Variants in CASP9 observed in about 807,000 individuals in gnomAD.
CASP9 encodes caspase-9.
Under a neutral mutation model 43.5 loss-of-function variants are expected in CASP9, and 29 were observed. That is an observed-to-expected ratio of 0.67 (90% CI 0.50 to 0.91). The LOEUF (loss-of-function observed/expected upper bound fraction) is 0.91, where lower values mean the gene tolerates loss of function less well. Ranked by LOEUF, CASP9 falls within the 40% of genes least tolerant of loss-of-function variation. The pLI, the probability that CASP9 is intolerant of heterozygous loss-of-function variation, is 0.00. For missense variants in CASP9, 575 were observed against 537.4 expected (o/e 1.07, Z -0.69); for synonymous variants, 206 against 211.9 (o/e 0.97, Z 0.24).
At chr1:15,524,640 G>T, upstream of CASP9, 6 of 955,002 alleles carry the variant, frequency 6.3e-6, no homozygotes, top group South Asian at 1.6e-4. Context: ...CATCTCCAAC[G>T]CCTCGCCCCG....
chr1:15,504,658 C>T lies in CASP9; in HGVS notation c.821G>A (p.Ser274Asn), dbSNP rs747011255. The T allele has an allele frequency of 2.5e-6, 4 of 1,614,224 alleles. No homozygotes were observed. Among genetic ancestry groups the T allele is most frequent in the Non-Finnish European group, 3.4e-6 (4 of 1,180,024 alleles). ...AAAGAGCTTGGGCTTCCCTCCCAGG[C>T]TGGGGCAGCTGGTCCCATTGAAGAT... ...VNIFNGTSCP[S>N]LGGKPKLFFI... is the part of the protein sequence containing the mutation. Residue 274 changes from serine to asparagine, a missense_variant, in exon 6 of 9, where the codon AGC becomes AAC. Physicochemically the swap from Ser to Asn is conservative, Grantham distance 46 (BLOSUM62 1). Transcript: ENST00000333868.
At chr1:15,505,842 GA>G (rs1414679390) in intron 5 of CASP9, 147 bp downstream of exon 5, 2 of 682,560 alleles carry the variant, frequency 2.9e-6, no homozygotes, top group Non-Finnish European at 5.2e-6. Context: ...TGGCTCCCAA[GA>G]AAACAACAGG....
At chr1:15,496,867 T>C (rs768210851) in intron 6 of CASP9, among the ~76,000 whole-genome samples, 6 of 151,840 alleles carry the variant, frequency 4.0e-5, no homozygotes, top group Admixed American at 6.6e-5. Context: ...ATAAAAAATT[T>C]AGCCAGGTGT....
intron 1 of CASP9, among the ~76,000 whole-genome samples, chr1:15,521,021 G>C (rs1292351212): frequency 6.6e-6 from 1 of 152,082 alleles, no homozygotes; most frequent in Non-Finnish European, 1.5e-5. Context: ...GCCGGGCGTG[G>C]TGGCGGGTGC....
chr1:15,500,961 T>C (rs1709306188), intron 6 of CASP9, among the ~76,000 whole-genome samples: 1 of 152,176 alleles, frequency 6.6e-6, no homozygotes, highest in African/African-American at 2.4e-5. Flanking sequence ...AGCCCACAAA[T>C]CTGATGTGAA....
upstream of CASP9, chr1:15,524,645 G>A (rs1195062611): frequency 1.5e-5 from 15 of 995,532 alleles, no homozygotes; most frequent in African/African-American, 3.6e-4. Flanking sequence ...CCAACGCCTC[G>A]CCCCGCCCCA....
chr1:15,508,604 G>A (rs1257531913), intron 2 of CASP9, among the ~76,000 whole-genome samples: 5 of 152,024 alleles, frequency 3.3e-5, no homozygotes, highest in South Asian at 4.2e-4. Flanking sequence ...TAGTAGAGAC[G>A]GGGTTTCACC....
chr1:15,511,175 T>C (rs1483605523), intron 2 of CASP9, among the ~76,000 whole-genome samples: 2 of 152,190 alleles, frequency 1.3e-5, no homozygotes, highest in Admixed American at 1.3e-4. Flanking sequence ...GGAGTTTATA[T>C]GAGGGTTTAA....
intron 1 of CASP9, among the ~76,000 whole-genome samples, chr1:15,522,220 T>C (rs1053797470): frequency 1.3e-5 from 2 of 152,238 alleles, no homozygotes; most frequent in South Asian, 2.1e-4. Context: ...TGTGGTTTTT[T>C]ACAACTTGCT....
intron 2 of CASP9, among the ~76,000 whole-genome samples, chr1:15,517,140 C>G (rs4646015): frequency 1.3e-5 from 2 of 152,120 alleles, no homozygotes; most frequent in Admixed American, 1.3e-4. Flanking sequence ...GAGCTCCACA[C>G]GCTGCCATGG....
intron 8 of CASP9, 129 bp downstream of exon 8, chr1:15,493,763 G>A: frequency 6.5e-7 from 1 of 1,530,164 alleles, no homozygotes; most frequent in Non-Finnish European, 8.8e-7. Flanking sequence ...CCAAGGCTCA[G>A]AGGCAGGAGT....
chr1:15,504,491 G>T, intron 6 of CASP9, 120 bp downstream of exon 6: 1 of 998,860 alleles, frequency 1.0e-6, no homozygotes. Context: ...ACCATGTGTG[G>T]TACCCTCTGA....
At chr1:15,511,405 A>G (rs1187418309) in intron 2 of CASP9, among the ~76,000 whole-genome samples, 1 of 109,550 alleles carries the variant, frequency 9.1e-6, no homozygotes, top group Non-Finnish European at 2.0e-5. Flanking sequence ...CACCACACCT[A>G]ATTTTTTTTT....
chr1:15,505,236 C>T (rs546517221), intron 5 of CASP9, among the ~76,000 whole-genome samples: 5 of 152,206 alleles, frequency 3.3e-5, no homozygotes, highest in Non-Finnish European at 5.9e-5. Flanking sequence ...TGTTGCTGGG[C>T]GGACTTGGAA....
Position 15,507,974 on chromosome 1 carries a change from G to A in CASP9, c.419-67C>T, listed in dbSNP as rs1470755180. 7 of 1,518,430 alleles carry A rather than the reference G, an allele frequency of 4.6e-6. No homozygotes were observed. In the Admixed American group the frequency reaches 1.2e-4, roughly 25 times the overall value. The allele number at this position is 1,518,430 out of a possible 1,614,324, so 94.1% of individuals were successfully genotyped here. On this transcript the variant is annotated intron_variant, in intron 2 of 8. Transcript: ENST00000333868. Reference sequence around the variant, plus strand: ...CAGCAGAGGAGGGGCAAGGGGCTCTGTGAGGACAGCCCCCCAAGAACGGAG... The same window carrying A: ...CAGCAGAGGAGGGGCAAGGGGCTCTATGAGGACAGCCCCCCAAGAACGGAG...
chr1:15,513,608 T>C (rs1256596797), intron 2 of CASP9, among the ~76,000 whole-genome samples: 1 of 152,152 alleles, frequency 6.6e-6, no homozygotes, highest in Non-Finnish European at 1.5e-5. Context: ...TAGGCAAGCA[T>C]GAACTGAGTA....
Position 15,518,349 on chromosome 1 carries a change from A to G in CASP9, c.179T>C (p.Ile60Thr). 6.2e-7 allele frequency: 1 copy of G among 1,614,038 alleles called. No individual in the cohort carries two copies. The highest frequency in any genetic ancestry group is 8.5e-7 in the Non-Finnish European group (1 of 1,180,014). The change falls in exon 2 of 9, where the codon ATA (isoleucine) becomes ACA (threonine). Residue 60 changes from isoleucine (I) to threonine (T), a missense_variant. Coordinates refer to ENST00000333868, the MANE Select transcript of CASP9 (RefSeq NM_001229.5). Reference sequence around the variant, plus strand: ...CTGACTCCCTCGAGTCTCCAGATCTATGATCAGCTGCCTGGCCTGATCCCG... The same window carrying G: ...CTGACTCCCTCGAGTCTCCAGATCTGTGATCAGCTGCCTGGCCTGATCCCG... ...SRRDQARQLIIDLETRGSQAL... is the reference protein window; with the variant it reads ...SRRDQARQLITDLETRGSQAL...
intron 2 of CASP9, among the ~76,000 whole-genome samples, chr1:15,509,591 C>T (rs1302082592): frequency 9.3e-5 from 14 of 150,678 alleles, no homozygotes; most frequent in Middle Eastern, 3.2e-3. Context: ...GTCGAGATCA[C>T]GTCATTGCAC....
intron 2 of CASP9, among the ~76,000 whole-genome samples, chr1:15,514,000 C>T (rs1418664636): frequency 3.3e-5 from 5 of 152,218 alleles, no homozygotes; most frequent in African/African-American, 1.2e-4. Context: ...ACACACTTGA[C>T]AACTCAATAA....
Sources: allele counts gnomAD v4.1 joint callset (sites outside exome capture counted in the v4.1 genomes callset), GRCh38; gene constraint gnomAD v4.1.1; transcripts MANE v1.5; gene names NCBI Gene and HGNC (gene_info 2026-07-23, HGNC 2026-07-21).